NRXN1: variants seen among roughly 807,000 people sequenced by gnomAD.
The protein encoded by NRXN1 is neurexin 1.
A neutral mutation model predicts 150.9 loss-of-function variants in NRXN1; 39 were observed. The observed-to-expected ratio is 0.26, with a 90% CI of 0.20 to 0.34. NRXN1 has a LOEUF of 0.34. Ranked by LOEUF, NRXN1 falls within the 10% of genes least tolerant of loss-of-function variation. The pLI is 1.00. For missense variants in NRXN1, 1,815 were observed against 1,949.9 expected (o/e 0.93, Z 1.30); for synonymous variants, 924 against 757.0 (o/e 1.22, Z -3.62).
intron 8 of NRXN1, among the ~76,000 whole-genome samples, chr2:50,579,960 C>A (rs1672007318): frequency 6.6e-6 from 1 of 152,142 alleles, no homozygotes; most frequent in African/African-American, 2.4e-5. Context: ...TTTCAAGCAG[C>A]AAGGAGATTT....
chr2:50,280,996 T>C (rs988288192), intron 17 of NRXN1, among the ~76,000 whole-genome samples: 2 of 152,060 alleles, frequency 1.3e-5, no homozygotes, highest in African/African-American at 2.4e-5. Context: ...TGTATTTTTA[T>C]TATTTTTTAT....
chr2:50,326,084 T>C (rs2076367135), intron 17 of NRXN1, among the ~76,000 whole-genome samples: 1 of 152,244 alleles, frequency 6.6e-6, no homozygotes. Context: ...TTATCAGTTT[T>C]CATCAAAACA....
intron 2 of NRXN1, among the ~76,000 whole-genome samples, chr2:50,940,906 G>A (rs867992861): frequency 1.4e-4 from 21 of 152,076 alleles, no homozygotes; most frequent in African/African-American, 1.9e-4. Context: ...AAGTTTTGCC[G>A]GCCTGAGATA....
chr2:50,851,937 G>A (rs113687682), intron 5 of NRXN1, among the ~76,000 whole-genome samples: 125 of 152,144 alleles, frequency 8.2e-4, no homozygotes, highest in Non-Finnish European at 1.5e-3. Context: ...TCTTAATAGT[G>A]CCTTTGTTTT....
chr2:49,941,749 A>T (rs1400841019), intron 22 of NRXN1, among the ~76,000 whole-genome samples: 1 of 152,186 alleles, frequency 6.6e-6, no homozygotes, highest in African/African-American at 2.4e-5. Flanking sequence ...CTAATTGAGA[A>T]AACAAAATCA....
At chr2:50,392,023 C>T (rs1259224609) in intron 17 of NRXN1, among the ~76,000 whole-genome samples, 1 of 152,086 alleles carries the variant, frequency 6.6e-6, no homozygotes, top group Non-Finnish European at 1.5e-5. Flanking sequence ...ATGAAACTTA[C>T]TTATTAATTT....
intron 21 of NRXN1, among the ~76,000 whole-genome samples, chr2:49,979,906 G>GTTTTTTTTTT (rs958895922): frequency 6.1e-5 from 4 of 65,984 alleles, no homozygotes; most frequent in East Asian, 3.4e-4. Flanking sequence ...TGTTTTTTTG[G>GTTTTTTTTTT]TTTTTTTTTT....
intron 5 of NRXN1, among the ~76,000 whole-genome samples, chr2:50,733,453 G>A (rs1698346919): frequency 6.6e-6 from 1 of 152,042 alleles, no homozygotes; most frequent in Non-Finnish European, 1.5e-5. Flanking sequence ...CGTTTGGGAT[G>A]GCAAATAAGC....
intron 17 of NRXN1, among the ~76,000 whole-genome samples, chr2:50,250,450 C>G (rs1036839939): frequency 3.3e-5 from 5 of 150,024 alleles, no homozygotes; most frequent in Non-Finnish European, 5.9e-5. Context: ...TTTTTTTTAG[C>G]GGAAGCTGAT....
intron 8 of NRXN1, among the ~76,000 whole-genome samples, chr2:50,609,853 C>G (rs1350553814): frequency 6.6e-6 from 1 of 152,070 alleles, no homozygotes; most frequent in Non-Finnish European, 1.5e-5. Flanking sequence ...GAGCCTGGTA[C>G]ATAGTCCATT....
At chr2:50,720,470 T>C (rs1307754934) in intron 5 of NRXN1, among the ~76,000 whole-genome samples, 1 of 152,150 alleles carries the variant, frequency 6.6e-6, no homozygotes, top group Non-Finnish European at 1.5e-5. Flanking sequence ...CTCCCCAGCA[T>C]TAGCTGCTAC....
chr2:50,614,134 T>C (rs527706422), intron 8 of NRXN1, among the ~76,000 whole-genome samples: 6 of 152,202 alleles, frequency 3.9e-5, no homozygotes, highest in South Asian at 2.1e-4. Context: ...AACCAGTATA[T>C]GGACCATGAC....
At chr2:49,924,520 CATG>C (rs1447232579) in intron 22 of NRXN1, among the ~76,000 whole-genome samples, 1 of 152,230 alleles carries the variant, frequency 6.6e-6, no homozygotes, top group East Asian at 1.9e-4. Flanking sequence ...ATGCACATAG[CATG>C]ATAACAGCAA....
intron 9 of NRXN1, among the ~76,000 whole-genome samples, chr2:50,542,143 C>A (rs1259669643): frequency 6.6e-6 from 1 of 151,946 alleles, no homozygotes; most frequent in Non-Finnish European, 1.5e-5. Context: ...TAGCCGGGCA[C>A]GGTGGTGCAT....
At chr2:50,739,241 G>T in intron 5 of NRXN1, 1 of 506,384 alleles carries the variant, frequency 2.0e-6, no homozygotes, top group South Asian at 1.4e-5. Flanking sequence ...GTTCATTGAG[G>T]ATATTTTATT....
intron 5 of NRXN1, among the ~76,000 whole-genome samples, chr2:50,770,351 G>A (rs931665401): frequency 5.3e-5 from 8 of 151,506 alleles, no homozygotes; most frequent in African/African-American, 1.9e-4. Context: ...TATGATAGAT[G>A]ATAGATAGAT....
chr2:50,394,993 T>C (rs929244477), intron 17 of NRXN1, among the ~76,000 whole-genome samples: 1 of 152,042 alleles, frequency 6.6e-6, no homozygotes, highest in Non-Finnish European at 1.5e-5. Context: ...AAAGGTCCCC[T>C]TTCAAAGAAG....
chr2:50,166,690 C>T lies in NRXN1; in HGVS notation c.3546+70099G>A, dbSNP rs181861885. Among the ~76,000 whole-genome samples the T allele has an allele frequency of 5.3e-5, 8 of 152,156 alleles. No homozygotes were observed. The East Asian group carries it at 7.7e-4, about 15-fold the overall frequency. On this transcript the variant is annotated intron_variant, in intron 18 of 22. Transcript: ENST00000401669. Reference sequence around the variant, plus strand: ...CTAAAACCTATTTATTAAATGCATACTATTTATTAAATGAAAGCCATTGAT... The same window carrying T: ...CTAAAACCTATTTATTAAATGCATATTATTTATTAAATGAAAGCCATTGAT...
intron 18 of NRXN1, among the ~76,000 whole-genome samples, chr2:50,181,147 C>T (rs77951823): frequency 1.4e-3 from 218 of 152,018 alleles, no homozygotes; most frequent in African/African-American, 4.9e-3. Context: ...TTTCTTTCTA[C>T]AGGTACATGA....
Sources: allele counts gnomAD v4.1 joint callset (sites outside exome capture counted in the v4.1 genomes callset), GRCh38; gene constraint gnomAD v4.1.1; transcripts MANE v1.5; gene names NCBI Gene and HGNC (gene_info 2026-07-23, HGNC 2026-07-21).